Variants in PCDHGB3 observed in about 807,000 individuals in gnomAD.
The protein encoded by PCDHGB3 is protocadherin gamma subfamily B, 3.
Under a neutral mutation model 59.2 loss-of-function variants are expected in PCDHGB3, and 40 were observed. The ratio of observed to expected loss-of-function variants is 0.68; its 90% CI spans 0.52 to 0.88. The LOEUF (loss-of-function observed/expected upper bound fraction) is 0.88, where lower values mean the gene tolerates loss of function less well. Among genes scored for constraint, PCDHGB3 ranks in the 40% least tolerant of loss-of-function variants. PCDHGB3 has a pLI of 0.00. For synonymous variants in PCDHGB3, 581 were observed against 503.6 expected, an observed-to-expected ratio of 1.15 and a Z score of -2.06; for missense variants, 1,309 against 1,187.9, an observed-to-expected ratio of 1.10 and a Z score of -1.50.
intron 1 of PCDHGB3, chr5:141,415,388 G>A (rs752789407): frequency 1.2e-6 from 2 of 1,614,236 alleles, no homozygotes; most frequent in Non-Finnish European, 1.7e-6. Context: ...GGCTTGACAG[G>A]TGTGTCCGGC....
At chr5:141,376,675 C>CGTTTTTT (rs1773024325) in intron 1 of PCDHGB3, 1 of 343,980 alleles carries the variant, frequency 2.9e-6, no homozygotes, top group African/African-American at 3.4e-5. Context: ...GTGAGGGTAT[C>CGTTTTTT]GTTTTTTTTT....
Position 141,372,132 on chromosome 5 carries a change from C to T in PCDHGB3, c.1738C>T (p.Arg580Cys), listed in dbSNP as rs1427906053. 6 of 1,613,718 alleles carry T rather than the reference C, an allele frequency of 3.7e-6. No individual in the cohort carries two copies. Among genetic ancestry groups the T allele is most frequent in the Non-Finnish European group, 5.1e-6 (6 of 1,179,860 alleles). Residue 580 changes from arginine to cysteine, a missense_variant, in exon 1 of 4, where the codon CGC (arginine) becomes TGC (cysteine). By Grantham distance (180) the Arg-to-Cys change is radical (BLOSUM62 -3). Transcript: ENST00000576222. ...EGSALFDMVPRSAEPGYLVTK... is the reference protein window; with the variant it reads ...EGSALFDMVPCSAEPGYLVTK... ...CTCTGCGCTCTTCGATATGGTGCCG[C>T]GCTCTGCAGAGCCTGGCTACCTGGT...
rs1231167998 is a variant in PCDHGB3, at chr5:141,399,197, T to C, written c.2415+26388T>C. 1.9e-6 allele frequency: 3 copies of C among 1,613,808 alleles called. No individual in the cohort carries two copies. In the African/African-American group the frequency reaches 4.0e-5, roughly 22 times the overall value. On this transcript the variant is annotated intron_variant, in intron 1 of 3. Transcript: ENST00000576222. ...CTTGAAATGATTCTGGAAAACGCGGTGCCTGGAACACTAATTGCTTTGATC... is the reference window on the plus strand; with the variant it reads ...CTTGAAATGATTCTGGAAAACGCGGCGCCTGGAACACTAATTGCTTTGATC...
rs2099648980 is a variant in PCDHGB3 at position 141,487,537 on chromosome 5, G to A, written c.2416-7270G>A. ...CTCGGAGTGATAGCTTCATGATGGT[G>A]AAGTCACCCAGTGCACCTATGGCAG... On this transcript the variant is annotated intron_variant, in intron 1 of 3. Transcript: ENST00000576222. The surrounding 1 kb of genome is among the most constrained non-coding windows in gnomAD (Gnocchi z 5.0). The A allele has an allele frequency of 1.2e-6, 2 of 1,614,188 alleles. No individual in the cohort carries two copies. Among genetic ancestry groups the A allele is most frequent in the Admixed American group, 1.7e-5 (1 of 60,028 alleles).
chr5:141,421,880 G>A (rs761272704), intron 1 of PCDHGB3: 3 of 1,613,600 alleles, frequency 1.9e-6, no homozygotes, highest in East Asian at 4.5e-5. Flanking sequence ...GCTTTAGATG[G>A]AGGCGATCCC....
At chr5:141,387,448 G>T (rs913381872) in intron 1 of PCDHGB3, among the ~76,000 whole-genome samples, 1 of 152,228 alleles carries the variant, frequency 6.6e-6, no homozygotes, top group African/African-American at 2.4e-5. Context: ...TAATCTACAT[G>T]ATTTGCCTAA....
chr5:141,384,959 A>G (rs771197511), intron 1 of PCDHGB3: 2 of 1,613,600 alleles, frequency 1.2e-6, no homozygotes, highest in Admixed American at 1.7e-5. Flanking sequence ...CCTTACAACT[A>G]TGACCTCACG....
chr5:141,413,365 G>A (rs1046513869), intron 1 of PCDHGB3: 14 of 1,614,000 alleles, frequency 8.7e-6, no homozygotes, highest in Non-Finnish European at 1.2e-5. Flanking sequence ...CCGGGAGCTG[G>A]CGGAGCGCGG....
In PCDHGB3 at chr5:141,489,734, A is replaced by G; in HGVS notation, c.2416-5073A>G. The G allele has an allele frequency of 6.2e-7, 1 of 1,614,164 alleles. No individual in the cohort carries two copies. Among genetic ancestry groups the G allele is most frequent in the Non-Finnish European group, 8.5e-7 (1 of 1,180,028 alleles). On this transcript the variant is annotated intron_variant, in intron 1 of 3. Transcript: ENST00000576222. This position sits in a 1 kb window ranked among gnomAD's most constrained non-coding sequence, Gnocchi z 4.5. ...GCCCAGGATCCGGATGTGGGCACCAATACTGTGAGCTTTTACACTCTAAGC... is the reference window on the plus strand; with the variant it reads ...GCCCAGGATCCGGATGTGGGCACCAGTACTGTGAGCTTTTACACTCTAAGC...
chr5:141,460,037 C>A (rs1203902962), intron 1 of PCDHGB3, among the ~76,000 whole-genome samples: 1 of 152,120 alleles, frequency 6.6e-6, no homozygotes, highest in African/African-American at 2.4e-5. Context: ...GAGACTGCAC[C>A]ACTGCACTCC....
rs112078596 is a variant in PCDHGB3, at chr5:141,490,350, G to A, written c.2416-4457G>A. ...GCACACCAGTGGGCACAGTAGTGGG[G>A]TTGTTTAATGTGCGAGACCGGGACT... On this transcript the variant is annotated intron_variant, in intron 1 of 3. Coordinates refer to ENST00000576222, the MANE Select transcript of PCDHGB3 (RefSeq NM_018924.5). The surrounding 1 kb of genome is among the most constrained non-coding windows in gnomAD (Gnocchi z 5.4). 3.5e-5 allele frequency: 57 copies of A among 1,614,086 alleles called. No homozygotes were observed. The highest frequency in any genetic ancestry group is 4.6e-5 in the Non-Finnish European group (54 of 1,180,042).
At chr5:141,414,106 C>G (rs1424739885) in intron 1 of PCDHGB3, 2 of 1,592,536 alleles carry the variant, frequency 1.3e-6, no homozygotes, top group Non-Finnish European at 1.7e-6. Context: ...ATCAGAAAAT[C>G]TAGATTATGA....
rs778744503 is a variant in PCDHGB3, at chr5:141,511,152, G to A, written c.2769G>A (p.Ser923=). Residue 923 remains serine (S), a synonymous_variant, in exon 4 of 4, where the codon TCG becomes TCA. Transcript: ENST00000576222. The part of the protein sequence containing the change: ...PAGGNGNKKK[S]GKKEKK ...GTGGCAATGGCAACAAGAAGAAGTCGGGCAAGAAGGAGAAGAAGTAACATG... is the reference window on the plus strand; with the variant it reads ...GTGGCAATGGCAACAAGAAGAAGTCAGGCAAGAAGGAGAAGAAGTAACATG... The A allele has an allele frequency of 2.0e-5, 32 of 1,614,022 alleles. No individual in the cohort carries two copies. Among genetic ancestry groups the A allele is most frequent in the South Asian group, 4.4e-5 (4 of 91,090 alleles).
intron 1 of PCDHGB3, among the ~76,000 whole-genome samples, chr5:141,461,983 C>T (rs1390320490): frequency 6.6e-6 from 1 of 152,192 alleles, no homozygotes. Flanking sequence ...GCCACCACGC[C>T]AGGCTAATTT....
intron 1 of PCDHGB3, among the ~76,000 whole-genome samples, chr5:141,454,731 G>T (rs1249851832): frequency 6.7e-6 from 1 of 150,262 alleles, no homozygotes; most frequent in Non-Finnish European, 1.5e-5. Context: ...ATATGTTATA[G>T]GATGAAAAGA....
intron 1 of PCDHGB3, among the ~76,000 whole-genome samples, chr5:141,438,564 T>A (rs1192918137): frequency 1.5e-5 from 2 of 137,114 alleles, no homozygotes; most frequent in Non-Finnish European, 3.1e-5. Flanking sequence ...AAGAGGCAGC[T>A]GTCTGATATA....
Position 141,378,772 on chromosome 5 carries a change from A to G in PCDHGB3, c.2415+5963A>G, listed in dbSNP as rs1588863408. 6 of 152,352 alleles carry G rather than the reference A, an allele frequency of 3.9e-5. No individual in the cohort carries two copies. The South Asian group carries it at 1.2e-3, about 32-fold the overall frequency. 9.4% of individuals were successfully genotyped at this position (152,352 alleles called of 1,614,324 possible). A position where few individuals can be genotyped will look rare whatever the true frequency, so the allele number is the denominator to read the frequency against. ...AAAGGGATTATCATTTAGAAGACTG[A>G]TTAGTCTTATTTATTATGACTGAAA... On this transcript the variant is annotated intron_variant, in intron 1 of 3. Transcript: ENST00000576222.
rs900884760 is a variant in PCDHGB3, at chr5:141,414,031, C to T, written c.2415+41222C>T. ...CAATGGAGAAGTGACATATTCATTC[C>T]GAAAATTACCTGACACGCAATTGTT... On this transcript the variant is annotated intron_variant, in intron 1 of 3. Coordinates refer to ENST00000576222, the MANE Select transcript of PCDHGB3 (RefSeq NM_018924.5). 4 of 1,611,858 alleles carry T rather than the reference C, an allele frequency of 2.5e-6. No homozygotes were observed. The Admixed American group carries it at 6.7e-5, about 27-fold the overall frequency.
rs563876979 is a variant in PCDHGB3, at chr5:141,417,900, G to A, written c.2415+45091G>A. 5 of 1,583,452 alleles carry A rather than the reference G, an allele frequency of 3.2e-6. No individual in the cohort carries two copies. Among genetic ancestry groups the A allele is most frequent in the South Asian group, 2.3e-5 (2 of 88,062 alleles). On this transcript the variant is annotated intron_variant, in intron 1 of 3. Coordinates refer to ENST00000576222, the MANE Select transcript of PCDHGB3 (RefSeq NM_018924.5). ...GCGCAGAGGCGCCGGGCCGGCCCGC[G>A]GCAGGTACTATTTCCTTTGCTGCTG...
Sources: gnomAD v4.1 joint callset for allele counts (sites outside exome capture counted in the v4.1 genomes callset) on GRCh38, gnomAD v4.1.1 for gene constraint, Gnocchi (gnomAD v3.1) non-coding constraint, MANE v1.5 for transcripts, NCBI Gene and HGNC (gene_info 2026-07-23, HGNC 2026-07-21) for gene names.